Variants in COBL observed in about 807,000 individuals in gnomAD.
COBL encodes protein cordon-bleu.
Under a neutral mutation model 98.8 loss-of-function variants are expected in COBL, and 51 were observed. The ratio of observed to expected loss-of-function variants is 0.52; its 90% CI spans 0.41 to 0.65. The LOEUF is 0.65. COBL is among the 30% of genes least tolerant of loss of function. The probability of loss-of-function intolerance (pLI) is 0.00; values close to 1 mark genes in which losing one functional copy is unlikely to be tolerated. For missense variants in COBL, 1,617 were observed against 1,617.5 expected (o/e 1.00, Z 0.01); for synonymous variants, 634 against 651.7 (o/e 0.97, Z 0.41).
chr7:51,061,987 A>ACACACACACACACACAC (rs1554364774), intron 7 of COBL, among the ~76,000 whole-genome samples: 1 of 151,274 alleles, frequency 6.6e-6, no homozygotes, highest in African/African-American at 2.4e-5. Context: ...ACACACTCAT[A>ACACACACACACACACAC]AATATATCCT....
intron 1 of COBL, among the ~76,000 whole-genome samples, chr7:51,221,833 T>G (rs551305535): frequency 6.6e-6 from 1 of 152,362 alleles, no homozygotes; most frequent in African/African-American, 2.4e-5. Context: ...GATGAGGCTG[T>G]AAACTTACTG....
intron 6 of COBL, among the ~76,000 whole-genome samples, chr7:51,126,859 CT>C (rs1798259796): frequency 6.6e-6 from 1 of 152,176 alleles, no homozygotes; most frequent in South Asian, 2.1e-4. Context: ...GGTGCTCCCC[CT>C]CTTCAGTGTC....
chr7:51,028,392 C>G lies in COBL; in HGVS notation c.2704G>C (p.Val902Leu). The G allele has an allele frequency of 6.2e-7, 1 of 1,614,274 alleles. No homozygotes were observed. The highest frequency in any genetic ancestry group is 8.5e-7 in the Non-Finnish European group (1 of 1,180,056). Residue 902 changes from valine (V) to leucine (L), a missense_variant, in exon 10 of 13, where the codon GTG (valine) becomes CTG (leucine). Coordinates refer to ENST00000265136, the MANE Select transcript of COBL (RefSeq NM_015198.5). ...AEKGYAGKAP[V>L]LAAPPVTVKD... Reference sequence around the variant, plus strand: ...ACAGTGACAGGTGGTGCAGCCAGCACTGGCGCCTTGCCTGCATAACCCTTC... The same window carrying G: ...ACAGTGACAGGTGGTGCAGCCAGCAGTGGCGCCTTGCCTGCATAACCCTTC...
At chr7:51,024,593 C>T (rs566188265) in intron 12 of COBL, among the ~76,000 whole-genome samples, 4 of 152,238 alleles carry the variant, frequency 2.6e-5, no homozygotes, top group African/African-American at 9.6e-5. Context: ...GCATGCTCTG[C>T]CCAAGGGACT....
At chr7:51,310,509 G>T (rs1802919885) in intron 1 of COBL, among the ~76,000 whole-genome samples, 1 of 152,228 alleles carries the variant, frequency 6.6e-6, no homozygotes, top group South Asian at 2.1e-4. Context: ...TGTCTGGAGA[G>T]AGGTGGGAGC....
At chr7:51,313,713 G>C (rs186846063) in intron 1 of COBL, among the ~76,000 whole-genome samples, 1 of 152,184 alleles carries the variant, frequency 6.6e-6, no homozygotes, top group East Asian at 1.9e-4. Flanking sequence ...GGGTCCAATG[G>C]GAAATTTAGC....
intron 1 of COBL, among the ~76,000 whole-genome samples, chr7:51,269,869 G>A (rs559694264): frequency 2.6e-5 from 4 of 152,294 alleles, no homozygotes; most frequent in South Asian, 2.1e-4. Context: ...GACTGAGGAC[G>A]TGGCAGGAGA....
chr7:51,294,331 A>AATAT (rs1157898470), intron 1 of COBL, among the ~76,000 whole-genome samples: 20 of 130,014 alleles, frequency 1.5e-4, no homozygotes, highest in East Asian at 6.5e-4. Context: ...TAAATAAATA[A>AATAT]AAATAAATAA....
At chr7:51,215,506 A>G (rs1792946657) in intron 2 of COBL, among the ~76,000 whole-genome samples, 1 of 152,228 alleles carries the variant, frequency 6.6e-6, no homozygotes, top group Non-Finnish European at 1.5e-5. Context: ...CCCACTGAAC[A>G]TACCAAGACT....
At chr7:51,135,966 C>T (rs1487556103) in intron 6 of COBL, among the ~76,000 whole-genome samples, 192 bp downstream of exon 6, 1 of 152,150 alleles carries the variant, frequency 6.6e-6, no homozygotes, top group Non-Finnish European at 1.5e-5. Context: ...AACTCAGCTT[C>T]TCAGAGTTAA....
intron 6 of COBL, among the ~76,000 whole-genome samples, chr7:51,091,895 A>G (rs6593327): frequency 0.55 from 84,071 of 151,938 alleles, 24,701 homozygotes; most frequent in African/African-American, 0.76. Flanking sequence ...AAAAACGGAG[A>G]AAAAAAACGC....
chr7:51,256,277 T>C (rs1406531399), intron 1 of COBL, among the ~76,000 whole-genome samples: 1 of 152,070 alleles, frequency 6.6e-6, no homozygotes, highest in Non-Finnish European at 1.5e-5. Flanking sequence ...TGTAGCACAC[T>C]AAATAAAGGG....
chr7:51,158,037 AAGGAAGAAGAGAGCC>A (rs1002140144), intron 5 of COBL, among the ~76,000 whole-genome samples: 1 of 152,158 alleles, frequency 6.6e-6, no homozygotes, highest in Non-Finnish European at 1.5e-5. Flanking sequence ...GCCCCTGGGG[AAGGAAGAAGAGAGCC>A]AGTTGTTGTG....
At chr7:51,204,196 C>T (rs1225852933) in intron 2 of COBL, among the ~76,000 whole-genome samples, 2 of 151,824 alleles carry the variant, frequency 1.3e-5, no homozygotes, top group Non-Finnish European at 2.9e-5. Context: ...AAACTCTCAC[C>T]AAAAAAAGGC....
intron 1 of COBL, among the ~76,000 whole-genome samples, chr7:51,280,521 C>G (rs1457732416): frequency 6.6e-6 from 1 of 152,226 alleles, no homozygotes; most frequent in African/African-American, 2.4e-5. Flanking sequence ...TCTCCTTTCT[C>G]TTTTCTGCTG....
At position 51,316,600 on chromosome 7, in the gene COBL, G is replaced by A. The variant is rs1011574185; in HGVS notation, c.34C>T (p.Pro12Ser). Residue 12 changes from proline (P) to serine (S), a missense_variant, in exon 1 of 13, where the codon CCG (proline) becomes TCG (serine). Pro to Ser is a moderately conservative substitution (Grantham distance 74). Coordinates refer to ENST00000265136, the MANE Select transcript of COBL (RefSeq NM_015198.5). Reference protein sequence around the residue: ...DAPRASAAKPPTGRKMKARAP... With the variant: ...DAPRASAAKPSTGRKMKARAP... ...GACCGCGGGGCCGCTTACCCGGTCG[G>A]GGGCTTGGCCGCCGAGGCGCGCGGC... 175 of 1,205,286 alleles carry A rather than the reference G, an allele frequency of 1.5e-4. No individual in the cohort carries two copies. The highest frequency in any genetic ancestry group is 1.8e-4 in the Non-Finnish European group (170 of 971,164). 74.7% of individuals were successfully genotyped at this position (1,205,286 alleles called of 1,614,324 possible).
intron 1 of COBL, among the ~76,000 whole-genome samples, chr7:51,225,790 A>T (rs1794120253): frequency 6.6e-6 from 1 of 152,170 alleles, no homozygotes; most frequent in South Asian, 2.1e-4. Flanking sequence ...GCTCTTCAAC[A>T]TTCAGCAGAA....
At chr7:51,061,593 A>G (rs916006719) in intron 7 of COBL, among the ~76,000 whole-genome samples, 3 of 152,052 alleles carry the variant, frequency 2.0e-5, no homozygotes, top group Admixed American at 6.5e-5. Context: ...TACGTGGTGA[A>G]ACGTTATTTC....
chr7:51,194,595 C>T (rs1024442698), intron 2 of COBL, among the ~76,000 whole-genome samples: 6 of 152,168 alleles, frequency 3.9e-5, no homozygotes, highest in African/African-American at 1.2e-4. Flanking sequence ...TATAAGTGTT[C>T]CTTTTTCTCT....
Sources: gnomAD v4.1 joint callset for allele counts (sites outside exome capture counted in the v4.1 genomes callset) on GRCh38, gnomAD v4.1.1 for gene constraint, MANE v1.5 for transcripts, NCBI Gene and HGNC (gene_info 2026-07-23, HGNC 2026-07-21) for gene names.